Variants in CORO7 observed in about 807,000 individuals in gnomAD.
CORO7 encodes coronin-7.
CORO7 carries 107 observed loss-of-function variants against 126.6 expected under a neutral mutation model. That is an observed-to-expected ratio of 0.85 (90% CI 0.72 to 0.99). The LOEUF (loss-of-function observed/expected upper bound fraction) is 0.99, where lower values mean the gene tolerates loss of function less well. CORO7 is among the 50% of genes least tolerant of loss of function. CORO7 has a pLI of 0.00. For synonymous variants in CORO7, 603 were observed against 536.8 expected (o/e 1.12, Z -1.70); for missense variants, 1,314 against 1,255.8 (o/e 1.05, Z -0.70).
At chr16:4,356,022 C>T (rs1335430224) in intron 26 of CORO7, among the ~76,000 whole-genome samples, 1 of 151,982 alleles carries the variant, frequency 6.6e-6, no homozygotes, top group Admixed American at 6.6e-5. Context: ...GGCACAATCT[C>T]GGCTCACCAC....
chr16:4,413,332 T>A lies in CORO7; in HGVS notation c.133A>T (p.Ile45Phe), dbSNP rs142610193. Reference protein sequence around the residue: ...RNHIKSSCSLIAFNSDRPGVL... With the variant: ...RNHIKSSCSLFAFNSDRPGVL... ...CCAGGACGGTCGGAGTTGAAGGCGATCAAGCTGCAGCTTGATTTGATGTGG... is the reference window on the plus strand; with the variant it reads ...CCAGGACGGTCGGAGTTGAAGGCGAACAAGCTGCAGCTTGATTTGATGTGG... The change falls in exon 2 of 28, where the codon ATC (isoleucine) becomes TTC (phenylalanine). Residue 45 changes from isoleucine to phenylalanine, a missense_variant. Coordinates refer to ENST00000251166, the MANE Select transcript of CORO7 (RefSeq NM_024535.5). 1 of 1,584,634 alleles carries A rather than the reference T, an allele frequency of 6.3e-7. No homozygotes were observed. The highest frequency in any genetic ancestry group is 8.6e-7 in the Non-Finnish European group (1 of 1,164,370).
At chr16:4,402,421 T>G (rs922040577) in intron 6 of CORO7, among the ~76,000 whole-genome samples, 6 of 152,094 alleles carry the variant, frequency 3.9e-5, no homozygotes, top group Admixed American at 1.3e-4. Context: ...ATGTTTGCAT[T>G]TTTTTTGTAG....
chr16:4,412,228 G>GCA (rs1364080843), intron 3 of CORO7, 128 bp downstream of exon 3: 2 of 975,056 alleles, frequency 2.1e-6, no homozygotes, highest in African/African-American at 3.2e-5. Flanking sequence ...CTCAGAGAGT[G>GCA]CACAGACAGG....
chr16:4,371,437 G>A (rs891140229), intron 9 of CORO7, among the ~76,000 whole-genome samples: 2 of 152,150 alleles, frequency 1.3e-5, no homozygotes, highest in Non-Finnish European at 2.9e-5. Context: ...CAAAGCTCTA[G>A]CTGGCCCGGG....
intron 9 of CORO7, chr16:4,382,370 A>G (rs770372960): frequency 9.9e-6 from 16 of 1,612,072 alleles, no homozygotes; most frequent in South Asian, 8.8e-5. Context: ...CGTCTCACCT[A>G]TCGCAACCTA....
intron 3 of CORO7, 101 bp downstream of exon 3, chr16:4,412,255 G>C (rs1310641229): frequency 1.5e-6 from 2 of 1,326,720 alleles, no homozygotes; most frequent in African/African-American, 1.4e-5. Flanking sequence ...GGAGGGACCT[G>C]GCAAGCCATG....
chr16:4,364,554 G>A (rs545689430), intron 13 of CORO7, 43 bp downstream of exon 13: 2 of 1,534,310 alleles, frequency 1.3e-6, no homozygotes, highest in Non-Finnish European at 1.8e-6. Context: ...GGGCTACCAG[G>A]GACTCGGGGA....
At chr16:4,364,204 T>C (rs925478159) in intron 14 of CORO7, 72 bp downstream of exon 14, 13 of 1,415,382 alleles carry the variant, frequency 9.2e-6, no homozygotes, top group South Asian at 1.6e-5. Context: ...AAAAAGGCCG[T>C]TCAGCCGGTG....
rs2054036045 is a variant in CORO7 at position 4,358,035 on chromosome 16, C to A, written c.2526G>T (p.Glu842Asp). 6.2e-7 allele frequency: 1 copy of A among 1,613,342 alleles called. No individual in the cohort carries two copies. Among genetic ancestry groups the A allele is most frequent in the Non-Finnish European group, 8.5e-7 (1 of 1,179,766 alleles). The change falls in exon 25 of 28, where the codon GAG becomes GAT. Residue 842 changes from glutamate to aspartate, a missense_variant. By Grantham distance (45) the Glu-to-Asp change is conservative. Transcript: ENST00000251166. ...GCCCATTAGCGCCTTGCAGCCAGGC[C>A]TCGGCACTGAGCACAGGCTCCCAGA... ...AVIWEPVLSA[E>D]AWLQGANGQP...
At chr16:4,393,551 C>T (rs947508249) in intron 7 of CORO7, among the ~76,000 whole-genome samples, 2 of 152,204 alleles carry the variant, frequency 1.3e-5, no homozygotes, top group Non-Finnish European at 2.9e-5. Context: ...CTGCAATCTT[C>T]CATGTGACTG....
intron 9 of CORO7, among the ~76,000 whole-genome samples, chr16:4,368,647 C>G (rs2054421735): frequency 6.6e-6 from 1 of 151,148 alleles, no homozygotes; most frequent in South Asian, 2.1e-4. Context: ...ACTCAGGAGG[C>G]TGAGGCAGGA....
chr16:4,405,586 A>G lies in CORO7; in HGVS notation c.488-19T>C, dbSNP rs749968689. 1.2e-6 allele frequency: 2 copies of G among 1,610,488 alleles called. No homozygotes were observed. The highest frequency in any genetic ancestry group is 1.7e-6 in the Non-Finnish European group (2 of 1,178,846). ...GCCAGCTCTGCAGAGAAGCAGTCAC[A>G]GTCAGGTCCCGGGCAGTGAGGGCAC... is the stretch of plus-strand genomic sequence containing the variant. On this transcript the variant is annotated intron_variant, in intron 5 of 27. Coordinates refer to ENST00000251166, the MANE Select transcript of CORO7 (RefSeq NM_024535.5).
At chr16:4,355,503 C>G (rs1364962961) in intron 26 of CORO7, 131 bp from the exon 27 acceptor site, 2 of 1,036,018 alleles carry the variant, frequency 1.9e-6, no homozygotes, top group Non-Finnish European at 2.8e-6. Flanking sequence ...CTTGCTCTGT[C>G]GCCCAGGCTG....
At position 4,361,415 on chromosome 16, in the gene CORO7, C is replaced by T. The variant is rs1228749510; in HGVS notation, c.1633G>A (p.Ala545Thr). The change falls in exon 17 of 28, where the codon GCA becomes ACA. Residue 545 changes from alanine to threonine, a missense_variant. By Grantham distance (58) the Ala-to-Thr change is moderately conservative. Transcript: ENST00000251166. ...DTALPTLQNGAAVTDLAWDPF... is the reference protein window; with the variant it reads ...DTALPTLQNGTAVTDLAWDPF... ...TCCCAGGCCAGATCAGTCACAGCTG[C>T]CCCATTCTGCAGCGTGGGCAGTGCC... 3.1e-6 allele frequency: 5 copies of T among 1,611,952 alleles called. No individual in the cohort carries two copies. The South Asian group carries it at 3.3e-5, about 11-fold the overall frequency.
Position 4,355,300 on chromosome 16 carries a change from C to T in CORO7, c.2758G>A (p.Asp920Asn), listed in dbSNP as rs138215306. 6 of 1,613,422 alleles carry T rather than the reference C, an allele frequency of 3.7e-6. No individual in the cohort carries two copies. Among genetic ancestry groups the T allele is most frequent in the African/African-American group, 1.3e-5 (1 of 74,904 alleles). ...TCACTACTCACCCACTCGTCCTCGTCCACGCCTTCAAAGGAGTCCTGGGGG... is the reference window on the plus strand; with the variant it reads ...TCACTACTCACCCACTCGTCCTCGTTCACGCCTTCAAAGGAGTCCTGGGGG... ...PLPQDSFEGV[D>N]EDEWD is the part of the protein sequence containing the mutation. The change falls in exon 27 of 28, where the codon GAC (aspartate) becomes AAC (asparagine). Residue 920 changes from aspartate (D) to asparagine (N), a missense_variant. Asp to Asn is a conservative substitution (Grantham distance 23, BLOSUM62 1). Coordinates refer to ENST00000251166, the MANE Select transcript of CORO7 (RefSeq NM_024535.5).
chr16:4,409,803 G>A (rs2056135658), intron 3 of CORO7, among the ~76,000 whole-genome samples: 1 of 152,250 alleles, frequency 6.6e-6, no homozygotes, highest in Admixed American at 6.5e-5. Flanking sequence ...CCTGAGCTGA[G>A]AGGCTGAAGG....
chr16:4,370,780 C>T lies in CORO7; in HGVS notation c.786-5235G>A, dbSNP rs1384875807. 3.3e-5 allele frequency among the ~76,000 whole-genome samples: 5 copies of T among 151,096 alleles called. No homozygotes were observed. In the South Asian group the frequency reaches 8.4e-4, roughly 25 times the overall value. The stretch of plus-strand genomic sequence containing the variant: ...CTCCAGAGACTAGGAAACCCTCCAG[C>T]TGGTGTGGCCCAGCCTCCCAGGGAT... On this transcript the variant is annotated intron_variant, in intron 9 of 27. Transcript: ENST00000251166.
intron 1 of CORO7, among the ~76,000 whole-genome samples, chr16:4,413,841 T>C (rs1249983363): frequency 6.7e-6 from 1 of 149,280 alleles, no homozygotes; most frequent in African/African-American, 2.4e-5. Flanking sequence ...CCCAGCCGTG[T>C]TGTGTTACTT....
intron 23 of CORO7, 37 bp from the exon 24 acceptor site, chr16:4,358,520 C>T: frequency 6.5e-7 from 1 of 1,546,938 alleles, no homozygotes; most frequent in Non-Finnish European, 8.7e-7. Context: ...CCGCTGGGAC[C>T]TAGAGCTCAT....
Sources: allele counts gnomAD v4.1 joint callset (sites outside exome capture counted in the v4.1 genomes callset), GRCh38; gene constraint gnomAD v4.1.1; transcripts MANE v1.5; gene names NCBI Gene and HGNC (gene_info 2026-07-23, HGNC 2026-07-21).